Variants in KCNAB1 observed in about 807,000 individuals in gnomAD.
The protein encoded by KCNAB1 is voltage-gated potassium channel subunit beta-1.
KCNAB1 carries 35 observed loss-of-function variants against 64.6 expected under a neutral mutation model. That is an observed-to-expected ratio of 0.54 (90% CI 0.41 to 0.72). The LOEUF is 0.72. KCNAB1 is among the 30% of genes least tolerant of loss of function. KCNAB1 has a pLI of 0.00. For synonymous variants in KCNAB1, 177 were observed against 183.8 expected, an observed-to-expected ratio of 0.96 and a Z score of 0.30; for missense variants, 401 against 512.9, an observed-to-expected ratio of 0.78 and a Z score of 2.11.
chr3:156,435,939 G>A (rs1448529118), intron 2 of KCNAB1, among the ~76,000 whole-genome samples: 1 of 151,916 alleles, frequency 6.6e-6, no homozygotes, highest in East Asian at 1.9e-4. Flanking sequence ...TAGTTCCAGG[G>A]TACATGTGCA....
intron 1 of KCNAB1, among the ~76,000 whole-genome samples, chr3:156,249,571 GA>G (rs1194385998): frequency 7.4e-6 from 1 of 134,350 alleles, no homozygotes; most frequent in Admixed American, 7.5e-5. Flanking sequence ...AAAAAAAAAA[GA>G]AAAAAAAGAA....
intron 1 of KCNAB1, among the ~76,000 whole-genome samples, chr3:156,292,577 G>A (rs1233839306): frequency 2.0e-5 from 3 of 152,080 alleles, no homozygotes; most frequent in Non-Finnish European, 2.9e-5. Context: ...TCGCTCTGTT[G>A]CCCAGGCTGG....
In KCNAB1 at chr3:156,251,993, C is replaced by G. The variant is rs149161363; in HGVS notation, c.275+131107C>G. Among the ~76,000 whole-genome samples the G allele has an allele frequency of 2.0e-4, 30 of 152,322 alleles. No individual in the cohort carries two copies. The East Asian group carries it at 5.8e-3, about 29-fold the overall frequency. On this transcript the variant is annotated intron_variant, in intron 1 of 13. Coordinates refer to ENST00000490337, the MANE Select transcript of KCNAB1 (RefSeq NM_172160.3). The stretch of plus-strand genomic sequence containing the variant: ...TTCCAGTCATGACTGCTGCATGTTC[C>G]TCTGTTCTCGCCCAGTCTGGTGACA...
chr3:156,161,202 C>A (rs75133777), intron 1 of KCNAB1, among the ~76,000 whole-genome samples: 1,722 of 152,220 alleles, frequency 0.011, 30 homozygotes, highest in African/African-American at 0.04. Context: ...CTGTGTCTGC[C>A]CTTTAAGAGG....
intron 1 of KCNAB1, among the ~76,000 whole-genome samples, chr3:156,121,425 A>G (rs959931543): frequency 1.3e-5 from 2 of 152,192 alleles, no homozygotes; most frequent in South Asian, 2.1e-4. Flanking sequence ...AGATAACATC[A>G]GGAGAAAAAG....
intron 11 of KCNAB1, among the ~76,000 whole-genome samples, chr3:156,523,071 T>C (rs367917518): frequency 3.9e-5 from 6 of 152,326 alleles, no homozygotes; most frequent in East Asian, 3.9e-4. Flanking sequence ...ATCTTTATAT[T>C]TAGGAAATTA....
chr3:156,536,713 A>G lies in KCNAB1; in HGVS notation c.1226A>G (p.Asn409Ser). 1 of 1,613,182 alleles carries G rather than the reference A, an allele frequency of 6.2e-7. No individual in the cohort carries two copies. Among genetic ancestry groups the G allele is most frequent in the South Asian group, 1.1e-5 (1 of 91,056 alleles). The change falls in exon 14 of 14, where the codon AAC (asparagine) becomes AGC (serine). Residue 409 changes from asparagine (N) to serine (S), a missense_variant. Coordinates refer to ENST00000490337, the MANE Select transcript of KCNAB1 (RefSeq NM_172160.3). Reference protein sequence around the residue: ...VVNEIDNILRNKPYSKKDYRS With the variant: ...VVNEIDNILRSKPYSKKDYRS ...AATGAGATTGATAACATACTGCGCA[A>G]CAAGCCCTACAGCAAGAAGGACTAT... is the stretch of plus-strand genomic sequence containing the variant.
In KCNAB1 at chr3:156,412,986, G is replaced by T. The variant is rs190884701; in HGVS notation, c.276-8630G>T. On this transcript the variant is annotated intron_variant, in intron 1 of 13. Transcript: ENST00000490337. ...GATTCAGATGAGGTGACCAGCAGGT[G>T]GTCTAAAGTGCTGGAGTTACTAGAA... Among the ~76,000 whole-genome samples, 234 of 152,318 alleles carry T rather than the reference G, an allele frequency of 1.5e-3. 1 individual carries two copies. The highest frequency in any genetic ancestry group is 5.5e-3 in the African/African-American group (227 of 41,570).
At chr3:156,397,008 T>G (rs1713513128) in intron 1 of KCNAB1, among the ~76,000 whole-genome samples, 1 of 152,234 alleles carries the variant, frequency 6.6e-6, no homozygotes, top group Non-Finnish European at 1.5e-5. Flanking sequence ...ACGATTGATG[T>G]GTACATGTAA....
chr3:156,168,272 C>T (rs2108320846), intron 1 of KCNAB1, among the ~76,000 whole-genome samples: 1 of 152,024 alleles, frequency 6.6e-6, no homozygotes, highest in African/African-American at 2.4e-5. Context: ...AGCTATACAG[C>T]ATATAAGTAT....
At chr3:156,321,270 A>C (rs1379814763) in intron 1 of KCNAB1, among the ~76,000 whole-genome samples, 1 of 152,116 alleles carries the variant, frequency 6.6e-6, no homozygotes, top group Non-Finnish European at 1.5e-5. Flanking sequence ...TGCTGTTTGG[A>C]GAAGTATAGG....
intron 1 of KCNAB1, among the ~76,000 whole-genome samples, chr3:156,190,385 A>G (rs1398335459): frequency 2.0e-5 from 3 of 152,182 alleles, no homozygotes; most frequent in Non-Finnish European, 4.4e-5. Context: ...AGAAGTTGAT[A>G]TGTTCCTCAT....
At chr3:156,388,631 A>G (rs1041375369) in intron 1 of KCNAB1, among the ~76,000 whole-genome samples, 5 of 152,224 alleles carry the variant, frequency 3.3e-5, no homozygotes, top group African/African-American at 1.2e-4. Flanking sequence ...AAAGTAGAGG[A>G]AGTCGAGGTA....
chr3:156,524,538 G>A (rs963937638), intron 12 of KCNAB1, among the ~76,000 whole-genome samples: 3 of 152,034 alleles, frequency 2.0e-5, no homozygotes, highest in South Asian at 4.1e-4. Flanking sequence ...ATGAGGTCAG[G>A]AGATCGAGAC....
rs1382216599 is a variant in KCNAB1, at chr3:156,120,972, C to T, written c.275+86C>T. The T allele has an allele frequency of 2.0e-5, 30 of 1,498,878 alleles. 1 individual carries two copies. In the Admixed American group the frequency reaches 5.4e-4, roughly 27 times the overall value. The allele number at this position is 1,498,878 out of a possible 1,614,324, so 92.8% of individuals were successfully genotyped here. ...TGCTTTGATTTCTTTTCCTCTGCAG[C>T]TGGAAGTCTTAACGGCTCTAATTGC... On this transcript the variant is annotated intron_variant, in intron 1 of 13. Coordinates refer to ENST00000490337, the MANE Select transcript of KCNAB1 (RefSeq NM_172160.3).
chr3:156,472,767 C>T (rs987220290), intron 7 of KCNAB1, among the ~76,000 whole-genome samples: 11 of 152,182 alleles, frequency 7.2e-5, no homozygotes, highest in African/African-American at 2.7e-4. Flanking sequence ...TCTCAATATG[C>T]ACTGTTAGTG....
At chr3:156,324,568 GCCACA>G (rs1722854555) in intron 1 of KCNAB1, among the ~76,000 whole-genome samples, 1 of 152,076 alleles carries the variant, frequency 6.6e-6, no homozygotes, top group Non-Finnish European at 1.5e-5. Context: ...CTAATTTGAT[GCCACA>G]CGCTCACTTG....
intron 8 of KCNAB1, among the ~76,000 whole-genome samples, chr3:156,492,711 A>G (rs902620985): frequency 3.9e-5 from 6 of 152,116 alleles, no homozygotes; most frequent in Non-Finnish European, 8.8e-5. Flanking sequence ...AACTTAACCC[A>G]AAGTTGAGAT....
At chr3:156,390,108 A>T (rs1419009986) in intron 1 of KCNAB1, among the ~76,000 whole-genome samples, 1 of 152,340 alleles carries the variant, frequency 6.6e-6, no homozygotes, top group South Asian at 2.1e-4. Context: ...GGGCACTTGC[A>T]TATTTTTTAT....
Sources: allele counts gnomAD v4.1 joint callset (sites outside exome capture counted in the v4.1 genomes callset), GRCh38; gene constraint gnomAD v4.1.1; transcripts MANE v1.5; gene names NCBI Gene and HGNC (gene_info 2026-07-23, HGNC 2026-07-21).